OR10J1: variants seen among roughly 807,000 people sequenced by gnomAD.
OR10J1 encodes the protein olfactory receptor 10J1.
For missense variants in OR10J1, 474 were observed against 376.6 expected (o/e 1.26, Z -2.14); for synonymous variants, 202 against 143.8 (o/e 1.40, Z -2.89).
the OR10J1 span, among the ~76,000 whole-genome samples, chr1:159,414,959 T>C: frequency 6.6e-6 from 1 of 152,062 alleles, no homozygotes; most frequent in Non-Finnish European, 1.5e-5. Context: ...GTTCCTTGTA[T>C]ATTCTGGATA....
At chr1:159,409,880 C>T in the OR10J1 span, among the ~76,000 whole-genome samples, 1 of 152,018 alleles carries the variant, frequency 6.6e-6, no homozygotes, top group Admixed American at 6.6e-5. Context: ...CCATCAATAC[C>T]TAATTTATTG....
At position 159,440,035 on chromosome 1, in the gene OR10J1, CT is replaced by C. The variant is rs1226592243; in HGVS notation, c.245del (p.Leu82ProfsTer5). The C allele has an allele frequency of 6.2e-7, 1 of 1,614,012 alleles. No homozygotes were observed. Among genetic ancestry groups the C allele is most frequent in the Non-Finnish European group, 8.5e-7 (1 of 1,180,024 alleles). The part of the protein sequence containing the change: ...VYTLVILPRM[L>X]SSLVGMSQPI... ...TACATTGGTCATTCTCCCAAGAATG[CT>C]CTCCAGCCTCGTAGGTATGAGCCAG... is the stretch of plus-strand genomic sequence containing the variant. On this transcript the variant is annotated frameshift_variant, in exon 1 of 1. Transcript: ENST00000423932. LOFTEE classifies it low-confidence loss of function (END_TRUNC).
chr1:159,428,831 T>A, the OR10J1 span, among the ~76,000 whole-genome samples: 1 of 152,200 alleles, frequency 6.6e-6, no homozygotes, highest in African/African-American at 2.4e-5. Flanking sequence ...TCTCCCAGCT[T>A]ACTTGGCTTG....
the OR10J1 span, among the ~76,000 whole-genome samples, chr1:159,409,064 T>C: frequency 6.6e-6 from 1 of 152,092 alleles, no homozygotes; most frequent in Non-Finnish European, 1.5e-5. Context: ...TTCCTAGTAT[T>C]GTGTGAGCTG....
chr1:159,440,156 G>C lies in OR10J1; in HGVS notation c.365G>C (p.Arg122Pro), dbSNP rs758895629. 6.2e-7 allele frequency: 1 copy of C among 1,613,992 alleles called. No homozygotes were observed. Among genetic ancestry groups the C allele is most frequent in the African/African-American group, 1.3e-5 (1 of 74,908 alleles). ...CFLLTAMGYDRYVAICNPLRY... is the reference protein window; with the variant it reads ...CFLLTAMGYDPYVAICNPLRY... ...CTGCTCACAGCAATGGGATATGACCGCTATGTGGCCATCTGCAACCCCCTG... is the reference window on the plus strand; with the variant it reads ...CTGCTCACAGCAATGGGATATGACCCCTATGTGGCCATCTGCAACCCCCTG... The change falls in exon 1 of 1, where the codon CGC (arginine) becomes CCC (proline). Residue 122 changes from arginine (R) to proline (P), a missense_variant. Physicochemically the swap from Arg to Pro is moderately radical, Grantham distance 103. Coordinates refer to ENST00000423932, the MANE Select transcript of OR10J1 (RefSeq NM_012351.3).
chr1:159,437,381 G>A (rs1655766141), upstream of OR10J1, among the ~76,000 whole-genome samples: 1 of 151,980 alleles, frequency 6.6e-6, no homozygotes, highest in Admixed American at 6.6e-5. Context: ...TAGAGTTCCT[G>A]CCTATAAGCA....
chr1:159,436,596 T>C (rs1438889084), upstream of OR10J1, among the ~76,000 whole-genome samples: 2 of 151,770 alleles, frequency 1.3e-5, no homozygotes, highest in Admixed American at 1.3e-4. Context: ...CAGGGTATGG[T>C]GTTTTCTTTT....
chr1:159,439,460 T>C (rs1224036435), upstream of OR10J1, among the ~76,000 whole-genome samples: 3 of 151,294 alleles, frequency 2.0e-5, no homozygotes, highest in Admixed American at 6.6e-5. Context: ...CTCTGAAGAG[T>C]AGGAAAGAAA....
chr1:159,437,006 T>C (rs994014236), upstream of OR10J1, among the ~76,000 whole-genome samples: 2 of 152,208 alleles, frequency 1.3e-5, no homozygotes, highest in Non-Finnish European at 2.9e-5. Flanking sequence ...GCCTGACATA[T>C]GCTAAGTGCT....
the OR10J1 span, chr1:159,432,236 G>A: frequency 5.0e-6 from 2 of 400,934 alleles, no homozygotes. Context: ...CTGTGACAGA[G>A]TTTACATTTG....
chr1:159,432,775 C>T, the OR10J1 span: 1 of 356,418 alleles, frequency 2.8e-6, no homozygotes, highest in Non-Finnish European at 4.8e-6. Context: ...CTTGCCTGTG[C>T]AGACACTACT....
the OR10J1 span, among the ~76,000 whole-genome samples, chr1:159,415,930 T>C: frequency 1.3e-5 from 2 of 151,898 alleles, no homozygotes; most frequent in African/African-American, 4.8e-5. Flanking sequence ...TAGTTTTTTT[T>C]CAGTTATTGT....
chr1:159,433,164 A>G, upstream of OR10J1: 1 of 400,732 alleles, frequency 2.5e-6, no homozygotes, highest in African/African-American at 2.0e-5. Flanking sequence ...ATAACAATCA[A>G]AGAAAAAGAG....
At chr1:159,409,317 TC>T in the OR10J1 span, among the ~76,000 whole-genome samples, 2 of 152,122 alleles carry the variant, frequency 1.3e-5, no homozygotes, top group African/African-American at 4.8e-5. Context: ...AGGATTCTTT[TC>T]TTTTGACTGC....
upstream of OR10J1, chr1:159,439,692 G>A (rs1256182392): frequency 2.8e-6 from 4 of 1,429,148 alleles, no homozygotes; most frequent in African/African-American, 4.2e-5. Flanking sequence ...TTGTAACTGA[G>A]AACTATTGAA....
chr1:159,434,068 T>C (rs551814997), upstream of OR10J1, among the ~76,000 whole-genome samples: 52 of 152,334 alleles, frequency 3.4e-4, no homozygotes, highest in African/African-American at 1.2e-3. Context: ...ATAGTAGTCA[T>C]TATTTTAAGT....
At chr1:159,432,546 C>T in the OR10J1 span, 1 of 470,820 alleles carries the variant, frequency 2.1e-6, no homozygotes, top group South Asian at 7.1e-5. Flanking sequence ...TAAATGCTTC[C>T]TGCTCACAGC....
the OR10J1 span, among the ~76,000 whole-genome samples, chr1:159,407,387 A>C: frequency 6.6e-6 from 1 of 152,098 alleles, no homozygotes; most frequent in Non-Finnish European, 1.5e-5. Flanking sequence ...AAATGAGCTT[A>C]ATGATAGCAA....
chr1:159,431,188 G>C, the OR10J1 span, among the ~76,000 whole-genome samples: 1 of 152,202 alleles, frequency 6.6e-6, no homozygotes, highest in Admixed American at 6.5e-5. Context: ...ACGCACCACA[G>C]AATGTTCTAG....
Sources: gnomAD v4.1 joint callset for allele counts (sites outside exome capture counted in the v4.1 genomes callset) on GRCh38, gnomAD v4.1.1 for gene constraint, MANE v1.5 for transcripts, NCBI Gene and HGNC (gene_info 2026-07-23, HGNC 2026-07-21) for gene names.